PTK2: variants seen among roughly 807,000 people sequenced by gnomAD.
The protein encoded by PTK2 is protein tyrosine kinase 2.
PTK2 carries 45 observed loss-of-function variants against 150.1 expected under a neutral mutation model. That is an observed-to-expected ratio of 0.30 (90% CI 0.24 to 0.38). PTK2 has a LOEUF of 0.38. Ranked by LOEUF, PTK2 falls within the 10% of genes least tolerant of loss-of-function variation. The pLI, the probability that PTK2 is intolerant of heterozygous loss-of-function variation, is 1.00. For synonymous variants in PTK2, 432 were observed against 449.2 expected (o/e 0.96, Z 0.48); for missense variants, 919 against 1,307.3 (o/e 0.70, Z 4.58).
At chr8:140,888,687 T>A (rs2100153169) in intron 3 of PTK2, among the ~76,000 whole-genome samples, 1 of 152,234 alleles carries the variant, frequency 6.6e-6, no homozygotes, top group Non-Finnish European at 1.5e-5. Flanking sequence ...TCCCCTTACA[T>A]GCAGAAAGTT....
intron 22 of PTK2, among the ~76,000 whole-genome samples, chr8:140,731,019 C>T (rs6578131): frequency 0.59 from 84,378 of 141,876 alleles, 26,107 homozygotes; most frequent in African/African-American, 0.8. Context: ...AGTGCAATGG[C>T]GCAATACCGG....
intron 27 of PTK2, among the ~76,000 whole-genome samples, chr8:140,684,777 A>ATACCGCCCAAAGTATGGTCG (rs2100018879): frequency 6.6e-6 from 1 of 152,150 alleles, no homozygotes; most frequent in African/African-American, 2.4e-5. Flanking sequence ...TATAATGGTC[A>ATACCGCCCAAAGTATGGTCG]TACCGCCCAA....
At chr8:140,889,991 G>A (rs947045319) in intron 3 of PTK2, among the ~76,000 whole-genome samples, 3 of 152,008 alleles carry the variant, frequency 2.0e-5, no homozygotes, top group South Asian at 2.1e-4. Context: ...ACAACCTCCC[G>A]TGAAGCACTT....
intron 3 of PTK2, among the ~76,000 whole-genome samples, chr8:140,881,381 G>C (rs2100148956): frequency 6.6e-6 from 1 of 152,180 alleles, no homozygotes. Context: ...GAACTATAAA[G>C]GATGGAAGCT....
At chr8:140,943,276 A>G (rs2100176484) in intron 1 of PTK2, among the ~76,000 whole-genome samples, 1 of 152,094 alleles carries the variant, frequency 6.6e-6, no homozygotes, top group Non-Finnish European at 1.5e-5. Context: ...CCAGGCAACC[A>G]CTGATTTTAT....
intron 22 of PTK2, among the ~76,000 whole-genome samples, chr8:140,734,203 T>G (rs936639502): frequency 3.3e-5 from 5 of 152,106 alleles, no homozygotes; most frequent in African/African-American, 1.2e-4. Context: ...AAATACAGCA[T>G]GAAAAACAAA....
intron 7 of PTK2, among the ~76,000 whole-genome samples, chr8:140,839,464 A>G (rs904995266): frequency 2.0e-5 from 3 of 152,240 alleles, no homozygotes; most frequent in Non-Finnish European, 4.4e-5. Flanking sequence ...GAAAACAGCT[A>G]TGCATAAAAA....
At chr8:140,978,213 T>G (rs1487181057) in intron 1 of PTK2, among the ~76,000 whole-genome samples, 1 of 149,774 alleles carries the variant, frequency 6.7e-6, no homozygotes, top group Non-Finnish European at 1.5e-5. Context: ...GGACTTCATG[T>G]CTAAAACACC....
At chr8:140,959,604 T>C (rs2100182401) in intron 1 of PTK2, among the ~76,000 whole-genome samples, 1 of 151,444 alleles carries the variant, frequency 6.6e-6, no homozygotes, top group Non-Finnish European at 1.5e-5. Flanking sequence ...TGGACTTTTA[T>C]ATATAATCTA....
intron 1 of PTK2, among the ~76,000 whole-genome samples, chr8:140,965,778 G>GA (rs747684567): frequency 1.1e-4 from 17 of 152,204 alleles, no homozygotes; most frequent in Non-Finnish European, 2.4e-4. Flanking sequence ...TTGGGAGGCT[G>GA]AGACAGGAGA....
chr8:140,789,441 G>A (rs1334610851), intron 14 of PTK2, 33 bp downstream of exon 14: 1 of 1,607,660 alleles, frequency 6.2e-7, no homozygotes, highest in South Asian at 1.1e-5. Flanking sequence ...CCATGAGAGT[G>A]CTTTTCGAGG....
At chr8:140,687,863 C>A (rs932288851) in intron 26 of PTK2, among the ~76,000 whole-genome samples, 6 of 152,134 alleles carry the variant, frequency 3.9e-5, no homozygotes, top group African/African-American at 1.4e-4. Flanking sequence ...AGGGCAGGGG[C>A]CCTGCACTGT....
chr8:140,670,446 C>G, intron 29 of PTK2, among the ~76,000 whole-genome samples: 1 of 99,276 alleles, frequency 1.0e-5, no homozygotes, highest in African/African-American at 4.1e-5. Flanking sequence ...GACAGAGCGA[C>G]ACTGTGTCTC....
chr8:140,884,042 C>A (rs2100150819), intron 3 of PTK2, among the ~76,000 whole-genome samples: 1 of 152,044 alleles, frequency 6.6e-6, no homozygotes, highest in Admixed American at 6.6e-5. Context: ...ATATTCACCT[C>A]CCACTGACCA....
chr8:140,953,407 T>C (rs2100180153), intron 1 of PTK2, among the ~76,000 whole-genome samples: 1 of 152,218 alleles, frequency 6.6e-6, no homozygotes, highest in Non-Finnish European at 1.5e-5. Flanking sequence ...AACTAAGGGT[T>C]ACTTGAACAC....
intron 1 of PTK2, among the ~76,000 whole-genome samples, chr8:140,976,693 A>C (rs1022699608): frequency 6.6e-6 from 1 of 152,222 alleles, no homozygotes; most frequent in African/African-American, 2.4e-5. Context: ...CCAGAAAACA[A>C]CACAAGTGTT....
intron 10 of PTK2, among the ~76,000 whole-genome samples, chr8:140,812,151 C>A (rs941329378): frequency 8.5e-5 from 13 of 152,086 alleles, no homozygotes; most frequent in Non-Finnish European, 1.6e-4. Context: ...TTAAAGGAAA[C>A]TAGAAGGGCC....
chr8:140,659,367 G>C, exon 32 of PTK2: 6 of 1,056,760 alleles, frequency 5.7e-6, no homozygotes, highest in South Asian at 3.4e-5. Flanking sequence ...GGAGCTGTAA[G>C]TGCTGGCGAC....
At chr8:140,767,352 G>A (rs193011283) in intron 14 of PTK2, among the ~76,000 whole-genome samples, 37 of 152,028 alleles carry the variant, frequency 2.4e-4, no homozygotes, top group African/African-American at 8.2e-4. Context: ...TTGCAGGTGT[G>A]TGTACTATGA....
Sources: allele counts gnomAD v4.1 joint callset (sites outside exome capture counted in the v4.1 genomes callset), GRCh38; gene constraint gnomAD v4.1.1; transcripts MANE v1.5; gene names NCBI Gene and HGNC (gene_info 2026-07-23, HGNC 2026-07-21).